EPHA3: variants seen among roughly 807,000 people sequenced by gnomAD.
The protein encoded by EPHA3 is ephrin type-A receptor 3.
Under a neutral mutation model 107.1 loss-of-function variants are expected in EPHA3, and 42 were observed. The ratio of observed to expected loss-of-function variants is 0.39; its 90% CI spans 0.31 to 0.51. The LOEUF is 0.51. Among genes scored for constraint, EPHA3 ranks in the 20% least tolerant of loss-of-function variants. EPHA3 has a pLI of 0.78. For synonymous variants in EPHA3, 461 were observed against 424.8 expected (o/e 1.09, Z -1.05); for missense variants, 1,183 against 1,211.2 (o/e 0.98, Z 0.35).
intron 3 of EPHA3, among the ~76,000 whole-genome samples, chr3:89,327,272 T>C (rs1272944035): frequency 2.0e-5 from 3 of 152,172 alleles, no homozygotes; most frequent in Non-Finnish European, 1.5e-5. Context: ...GCACACTGTT[T>C]TAGAAAGAAG....
intron 3 of EPHA3, among the ~76,000 whole-genome samples, chr3:89,323,026 T>TG (rs1707079871): frequency 6.6e-6 from 1 of 152,082 alleles, no homozygotes. Flanking sequence ...ATTTAAAAAG[T>TG]ATAATTTTAA....
intron 16 of EPHA3, among the ~76,000 whole-genome samples, chr3:89,476,570 C>T (rs843908): frequency 7.0e-6 from 1 of 142,108 alleles, no homozygotes; most frequent in South Asian, 2.2e-4. Context: ...ATTTACTTTC[C>T]ATGACTATTA....
chr3:89,280,025 C>CTGTGTGTGTG (rs59488710), intron 3 of EPHA3, among the ~76,000 whole-genome samples: 1 of 144,672 alleles, frequency 6.9e-6, no homozygotes, highest in African/African-American at 2.5e-5. Flanking sequence ...TTGTGTGCAC[C>CTGTGTGTGTG]TGTGTGTGTG....
At chr3:89,203,983 C>T (rs528125974) in intron 2 of EPHA3, among the ~76,000 whole-genome samples, 18 of 152,156 alleles carry the variant, frequency 1.2e-4, no homozygotes, top group African/African-American at 4.1e-4. Context: ...CATACTCAAA[C>T]TTTCTGGAGA....
chr3:89,161,625 C>CAA (rs988947695), intron 2 of EPHA3, among the ~76,000 whole-genome samples: 3 of 151,840 alleles, frequency 2.0e-5, no homozygotes, highest in African/African-American at 7.3e-5. Flanking sequence ...ACATATAAAA[C>CAA]AAAAACAGTG....
chr3:89,447,833 G>C (rs1479906807), intron 13 of EPHA3, among the ~76,000 whole-genome samples: 1 of 152,072 alleles, frequency 6.6e-6, no homozygotes, highest in Non-Finnish European at 1.5e-5. Context: ...GCACAACAAG[G>C]CTTAGAAACT....
chr3:89,112,402 C>A (rs1451815912), intron 1 of EPHA3, among the ~76,000 whole-genome samples: 1 of 151,958 alleles, frequency 6.6e-6, no homozygotes, highest in Non-Finnish European at 1.5e-5. Context: ...TAGTAACATT[C>A]TTTATGTATT....
At chr3:89,149,553 T>C (rs1412376009) in intron 2 of EPHA3, among the ~76,000 whole-genome samples, 2 of 151,982 alleles carry the variant, frequency 1.3e-5, no homozygotes, top group Non-Finnish European at 2.9e-5. Flanking sequence ...GTTACATATG[T>C]ATACATGTGC....
chr3:89,388,652 T>A (rs530130009), intron 5 of EPHA3, among the ~76,000 whole-genome samples: 1 of 152,166 alleles, frequency 6.6e-6, no homozygotes, highest in African/African-American at 2.4e-5. Flanking sequence ...AAAGCTGGTA[T>A]GTATGTTGCA....
At chr3:89,328,807 G>C (rs1307730542) in intron 3 of EPHA3, among the ~76,000 whole-genome samples, 1 of 152,090 alleles carries the variant, frequency 6.6e-6, no homozygotes, top group Non-Finnish European at 1.5e-5. Flanking sequence ...TTAAAACACA[G>C]GTGCAATGCT....
At chr3:89,343,629 G>A (rs886515964) in intron 5 of EPHA3, among the ~76,000 whole-genome samples, 32 of 152,264 alleles carry the variant, frequency 2.1e-4, no homozygotes, top group Admixed American at 5.2e-4. Flanking sequence ...ATTCAAATAT[G>A]TATCTTTCTG....
chr3:89,424,982 A>C (rs555445260), intron 11 of EPHA3, among the ~76,000 whole-genome samples: 1 of 151,628 alleles, frequency 6.6e-6, no homozygotes, highest in Admixed American at 6.6e-5. Flanking sequence ...CTGATTTTGA[A>C]GAAAGAAATT....
At chr3:89,186,709 G>C (rs544108554) in intron 2 of EPHA3, among the ~76,000 whole-genome samples, 2 of 151,854 alleles carry the variant, frequency 1.3e-5, no homozygotes, top group East Asian at 3.9e-4. Flanking sequence ...AGTTTTTTTC[G>C]GGCTACTAGT....
chr3:89,308,657 AAATGACATTC>A (rs943814061), intron 3 of EPHA3, among the ~76,000 whole-genome samples: 11 of 151,862 alleles, frequency 7.2e-5, no homozygotes, highest in Non-Finnish European at 5.9e-5. Flanking sequence ...TTGAGTAGAG[AAATGACATTC>A]AACTCAGCAA....
chr3:89,208,468 AAGAAAGAAAGAAAG>A lies in EPHA3; in HGVS notation c.154-1386_154-1373del, dbSNP rs1176241704. 1.7e-4 allele frequency among the ~76,000 whole-genome samples: 25 copies of A among 147,434 alleles called. 1 individual carries two copies. The highest frequency in any genetic ancestry group is 6.1e-4 in the African/African-American group (24 of 39,618). ...AAAGAAAGAAAGAAAGAAAGAAAGA[AAGAAAGAAAGAAAG>A]AGAAAAAGAAAGGAGGGAGGGAGGG... On this transcript the variant is annotated intron_variant, in intron 2 of 16. Coordinates refer to ENST00000336596, the MANE Select transcript of EPHA3 (RefSeq NM_005233.6).
intron 5 of EPHA3, among the ~76,000 whole-genome samples, chr3:89,355,681 G>A (rs73846149): frequency 0.098 from 14,843 of 150,754 alleles, 2,517 homozygotes; most frequent in African/African-American, 0.34. Context: ...GTTGTGAGGA[G>A]TAAATAAAAT....
At chr3:89,204,309 C>G (rs1325819828) in intron 2 of EPHA3, among the ~76,000 whole-genome samples, 1 of 152,070 alleles carries the variant, frequency 6.6e-6, no homozygotes, top group Non-Finnish European at 1.5e-5. Context: ...GAATAGTAGC[C>G]ATTATAATTA....
intron 3 of EPHA3, among the ~76,000 whole-genome samples, chr3:89,293,548 C>T (rs1446545568): frequency 6.6e-6 from 1 of 152,166 alleles, no homozygotes; most frequent in African/African-American, 2.4e-5. Flanking sequence ...TCGTAATCCC[C>T]ATGTGTCAGG....
chr3:89,339,564 T>C (rs1707470911), intron 3 of EPHA3, among the ~76,000 whole-genome samples: 1 of 152,096 alleles, frequency 6.6e-6, no homozygotes, highest in Non-Finnish European at 1.5e-5. Flanking sequence ...TTTAAGTTAT[T>C]CCAGTAGTTT....
Sources: allele counts gnomAD v4.1 joint callset (sites outside exome capture counted in the v4.1 genomes callset), GRCh38; gene constraint gnomAD v4.1.1; transcripts MANE v1.5; gene names NCBI Gene and HGNC (gene_info 2026-07-23, HGNC 2026-07-21).